NR6A1: variants seen among roughly 807,000 people sequenced by gnomAD.
NR6A1 encodes the protein retinoic acid receptor-related testis-associated receptor.
In NR6A1, 7 loss-of-function variants were observed where a neutral mutation model predicts 59.1. That is an observed-to-expected ratio of 0.12 (90% CI 0.07 to 0.22). NR6A1 has a LOEUF of 0.22. NR6A1 is among the 10% of genes least tolerant of loss of function. NR6A1 has a pLI of 1.00. For missense variants in NR6A1, 468 were observed against 611.6 expected (o/e 0.77, Z 2.48); for synonymous variants, 243 against 236.1 (o/e 1.03, Z -0.27).
intron 2 of NR6A1, among the ~76,000 whole-genome samples, chr9:124,652,513 T>C (rs1167139879): frequency 1.3e-5 from 2 of 152,196 alleles, no homozygotes; most frequent in African/African-American, 4.8e-5. Context: ...CAAATGTGCC[T>C]AGTACAGTGC....
intron 7 of NR6A1, among the ~76,000 whole-genome samples, chr9:124,534,094 C>T (rs1444471481): frequency 6.6e-5 from 9 of 136,536 alleles, no homozygotes; most frequent in Middle Eastern, 4.3e-3. Flanking sequence ...TTTTTTGAGA[C>T]GGAGTTTCGC....
rs10986365 is a variant in NR6A1, at chr9:124,562,964, C to T, written c.143-8394G>A. Among the ~76,000 whole-genome samples the T allele has an allele frequency of 5.3e-5, 8 of 152,274 alleles. No homozygotes were observed. The East Asian group carries it at 9.7e-4, about 18-fold the overall frequency. ...GAGATTTATAAAGGAATCTAGTCAT[C>T]GATCTGACAAGAATTGTACAATCTG... On this transcript the variant is annotated intron_variant, in intron 2 of 9. Coordinates refer to ENST00000487099, the MANE Select transcript of NR6A1 (RefSeq NM_033334.4).
intron 2 of NR6A1, among the ~76,000 whole-genome samples, chr9:124,584,520 G>C (rs533497444): frequency 6.6e-5 from 10 of 152,184 alleles, no homozygotes; most frequent in African/African-American, 2.4e-4. Flanking sequence ...GTCACATTTG[G>C]TAAGTCTTGT....
At chr9:124,590,061 C>CAAAAAAAAAAAAAAAA (rs71372976) in intron 2 of NR6A1, among the ~76,000 whole-genome samples, 3 of 30,868 alleles carry the variant, frequency 9.7e-5, no homozygotes, top group African/African-American at 3.1e-4. Context: ...AAGACTCTGT[C>CAAAAAAAAAAAAAAAA]AAAAAAAAAA....
chr9:124,670,120 C>T (rs1837744058), intron 2 of NR6A1, among the ~76,000 whole-genome samples: 2 of 151,750 alleles, frequency 1.3e-5, no homozygotes, highest in Admixed American at 6.6e-5. Flanking sequence ...CGGTTCATGC[C>T]TGTAATCCCA....
In NR6A1 at chr9:124,724,296, G is replaced by A. The variant is rs190353699; in HGVS notation, c.142+9012C>T. Among the ~76,000 whole-genome samples the A allele has an allele frequency of 4.8e-3, 737 of 152,168 alleles. 2 individuals are homozygous for A. The highest frequency in any genetic ancestry group is 0.027 in the Middle Eastern group (8 of 294). On this transcript the variant is annotated intron_variant, in intron 2 of 9. Coordinates refer to ENST00000487099, the MANE Select transcript of NR6A1 (RefSeq NM_033334.4). The stretch of plus-strand genomic sequence containing the variant: ...TGGTTATTTCTAGGTGGTGGGATTA[G>A]AGATGCTTCTATTTTCTTTTAGTGT...
intron 2 of NR6A1, among the ~76,000 whole-genome samples, chr9:124,674,756 TG>T (rs1379253587): frequency 2.6e-5 from 4 of 152,154 alleles, no homozygotes; most frequent in Non-Finnish European, 5.9e-5. Context: ...GAAAAAAGGC[TG>T]AAGGAATAGC....
intron 2 of NR6A1, among the ~76,000 whole-genome samples, chr9:124,668,593 G>A (rs1463570263): frequency 2.0e-5 from 3 of 152,096 alleles, no homozygotes; most frequent in Admixed American, 1.3e-4. Flanking sequence ...TAATATCTTA[G>A]TGTAGTTCAT....
chr9:124,619,911 AT>A (rs891274835), intron 2 of NR6A1, among the ~76,000 whole-genome samples: 1 of 152,124 alleles, frequency 6.6e-6, no homozygotes, highest in African/African-American at 2.4e-5. Flanking sequence ...AAAATACAAA[AT>A]TAGCCAAGCA....
chr9:124,552,795 A>G (rs57808432), intron 3 of NR6A1, among the ~76,000 whole-genome samples: 14,342 of 152,168 alleles, frequency 0.094, 2,238 homozygotes, highest in African/African-American at 0.33. Context: ...CAATATTAGT[A>G]TTTATAATAA....
chr9:124,727,134 T>C (rs1588832964), intron 2 of NR6A1, among the ~76,000 whole-genome samples: 1 of 152,166 alleles, frequency 6.6e-6, no homozygotes, highest in South Asian at 2.1e-4. Flanking sequence ...ATGTTGTCCA[T>C]TCGTCTAAAA....
At chr9:124,576,413 G>A (rs752704642) in intron 2 of NR6A1, among the ~76,000 whole-genome samples, 8 of 152,076 alleles carry the variant, frequency 5.3e-5, no homozygotes, top group Non-Finnish European at 7.4e-5. Flanking sequence ...TCAGTCTCCC[G>A]AGTAGCTGGG....
chr9:124,599,942 G>A (rs1448362064), intron 2 of NR6A1, among the ~76,000 whole-genome samples: 24 of 152,202 alleles, frequency 1.6e-4, no homozygotes, highest in Admixed American at 1.6e-3. Context: ...CGCTCTCAAA[G>A]ATGACTGCAG....
At chr9:124,697,634 G>C (rs1838809866) in intron 2 of NR6A1, among the ~76,000 whole-genome samples, 1 of 151,020 alleles carries the variant, frequency 6.6e-6, no homozygotes, top group Non-Finnish European at 1.5e-5. Context: ...TAAAAAGATG[G>C]TGAAAAAGTC....
chr9:124,646,057 T>C (rs965519931), intron 2 of NR6A1, among the ~76,000 whole-genome samples: 4 of 152,158 alleles, frequency 2.6e-5, no homozygotes, highest in African/African-American at 4.8e-5. Flanking sequence ...AAAAATATTT[T>C]GAACTAAATA....
chr9:124,721,548 A>C (rs1839565081), intron 2 of NR6A1, among the ~76,000 whole-genome samples: 3 of 152,192 alleles, frequency 2.0e-5, no homozygotes, highest in Admixed American at 6.5e-5. Flanking sequence ...GGAGGAAACA[A>C]GGGAGATTTG....
In NR6A1 at chr9:124,518,562, C is replaced by T. The variant is rs927087321; in HGVS notation, c.*4143G>A. ...TTCCAACACTTGGTGGAATGACTGC[C>T]GTTTCTCATCCTGACACACAGATAA... On this transcript the variant is annotated 3_prime_UTR_variant, in exon 10 of 10. Transcript: ENST00000487099. 7 of 152,010 alleles carry T rather than the reference C, an allele frequency of 4.6e-5. No homozygotes were observed. Among genetic ancestry groups the T allele is most frequent in the African/African-American group, 1.2e-4 (5 of 41,366 alleles). 9.4% of individuals were successfully genotyped at this position (152,010 alleles called of 1,614,324 possible). A position where few individuals can be genotyped will look rare whatever the true frequency, so the allele number is the denominator to read the frequency against.
chr9:124,678,782 A>G (rs1474362750), intron 2 of NR6A1, among the ~76,000 whole-genome samples: 1 of 152,214 alleles, frequency 6.6e-6, no homozygotes, highest in African/African-American at 2.4e-5. Context: ...AAATTCTTTT[A>G]ATCAGTTTGC....
At chr9:124,621,635 C>T (rs1836080217) in intron 2 of NR6A1, among the ~76,000 whole-genome samples, 1 of 150,982 alleles carries the variant, frequency 6.6e-6, no homozygotes. Flanking sequence ...GCCTGGGTGA[C>T]AGAGTAAGAC....
Sources: gnomAD v4.1 joint callset for allele counts (sites outside exome capture counted in the v4.1 genomes callset) on GRCh38, gnomAD v4.1.1 for gene constraint, MANE v1.5 for transcripts, NCBI Gene and HGNC (gene_info 2026-07-23, HGNC 2026-07-21) for gene names.